Variants in RANBP3L observed in about 807,000 individuals in gnomAD.
RANBP3L encodes RAN binding protein 3 like, also known as ran-binding protein 3-like.
A neutral mutation model predicts 67.2 loss-of-function variants in RANBP3L; 56 were observed. The ratio of observed to expected loss-of-function variants is 0.83; its 90% confidence interval spans 0.67 to 1.04. The LOEUF is 1.04. Ranked by LOEUF, RANBP3L falls within the 50% of genes least tolerant of loss-of-function variation. The pLI, the probability that RANBP3L is intolerant of heterozygous loss-of-function variation, is 0.00. For synonymous variants in RANBP3L, 164 were observed against 181.4 expected, an observed-to-expected ratio of 0.90 and a Z score of 0.77; for missense variants, 496 against 535.5, an observed-to-expected ratio of 0.93 and a Z score of 0.73.
chr5:36,259,172 T>A (rs540335832), intron 8 of RANBP3L, among the ~76,000 whole-genome samples: 1 of 152,296 alleles, frequency 6.6e-6, no homozygotes, highest in South Asian at 2.1e-4. Flanking sequence ...TTGGTTCACA[T>A]CCAAAGGCAT....
rs759386893 is a variant in RANBP3L, at chr5:36,249,615, C to T, written c.*39G>A. The T allele has an allele frequency of 5.9e-6, 7 of 1,184,330 alleles. No homozygotes were observed. The Admixed American group carries it at 8.0e-5, about 14-fold the overall frequency. 73.4% of individuals were successfully genotyped at this position (1,184,330 alleles called of 1,614,324 possible). A position where few individuals can be genotyped will look rare whatever the true frequency, so the allele number is the denominator to read the frequency against. On this transcript the variant is annotated 3_prime_UTR_variant, in exon 14 of 14. Transcript: ENST00000296604. ...GGTTTAGTATTTTCAGTAGGGTGAC[C>T]CCTCTTTTTGTAGATGTCATGTTTA...
intron 8 of RANBP3L, among the ~76,000 whole-genome samples, chr5:36,258,163 C>T (rs1488775491): frequency 1.3e-5 from 2 of 152,080 alleles, no homozygotes; most frequent in African/African-American, 4.8e-5. Context: ...TCCTCCCAGA[C>T]GATTTTGCCA....
intron 1 of RANBP3L, among the ~76,000 whole-genome samples, chr5:36,274,913 TA>T (rs753885875): frequency 1.3e-5 from 2 of 152,046 alleles, no homozygotes; most frequent in East Asian, 1.9e-4. Flanking sequence ...ATTGAATAAT[TA>T]AAAGATTAAA....
At position 36,265,623 on chromosome 5, in the gene RANBP3L, C is replaced by T. The variant is rs889946773; in HGVS notation, c.269-103G>A. 9 of 636,762 alleles carry T rather than the reference C, an allele frequency of 1.4e-5. No homozygotes were observed. In the African/African-American group the frequency reaches 1.5e-4, roughly 11 times the overall value. The allele number at this position is 636,762 out of a possible 1,614,324, so 39.4% of individuals were successfully genotyped here. ...ATTCCGAACTCACCAGCAGATGTCGCAATTGGCACTAACAGAGTAGTAGGT... is the reference window on the plus strand; with the variant it reads ...ATTCCGAACTCACCAGCAGATGTCGTAATTGGCACTAACAGAGTAGTAGGT... On this transcript the variant is annotated intron_variant, in intron 4 of 13. Coordinates refer to ENST00000296604, the MANE Select transcript of RANBP3L (RefSeq NM_145000.5).
At chr5:36,255,615 C>A in intron 10 of RANBP3L, 25 bp from the exon 11 acceptor site, 2 of 1,565,598 alleles carry the variant, frequency 1.3e-6, no homozygotes, top group South Asian at 2.3e-5. Flanking sequence ...TTTAAAATGT[C>A]AAATATATAG....
Position 36,248,982 on chromosome 5 carries a change from C to T in RANBP3L, c.*672G>A, listed in dbSNP as rs1748428008. The T allele has an allele frequency of 6.6e-6, 1 of 152,114 alleles. No individual in the cohort carries two copies. The highest frequency in any genetic ancestry group is 1.5e-5 in the Non-Finnish European group (1 of 67,960). The allele number at this position is 152,114 out of a possible 1,614,324, so 9.4% of individuals were successfully genotyped here. ...AGTTAACATATTTGGCTTTCTTACA[C>T]ATGCTTTTTGATACATAGGTAATGT... On this transcript the variant is annotated 3_prime_UTR_variant, in exon 14 of 14. Coordinates refer to ENST00000296604, the MANE Select transcript of RANBP3L (RefSeq NM_145000.5).
intron 1 of RANBP3L, among the ~76,000 whole-genome samples, chr5:36,285,662 T>C (rs1751270268): frequency 6.6e-6 from 1 of 152,202 alleles, no homozygotes; most frequent in African/African-American, 2.4e-5. Context: ...AATTATACCA[T>C]CTAAAGTTGT....
At chr5:36,256,614 C>T (rs566141386) in intron 10 of RANBP3L, among the ~76,000 whole-genome samples, 21 of 151,948 alleles carry the variant, frequency 1.4e-4, no homozygotes, top group South Asian at 2.1e-4. Context: ...CATTGTTAAA[C>T]GTGTAAGTAG....
Position 36,253,049 on chromosome 5 carries a change from G to GT in RANBP3L, c.1167+597dup, listed in dbSNP as rs556662896. The stretch of plus-strand genomic sequence containing the variant: ...TTGTTTTTGCGTTTCATTTTGTTTT[G>GT]TTTTTTTAAGCTTTATTCTTGCCAG... On this transcript the variant is annotated intron_variant, in intron 12 of 13. Coordinates refer to ENST00000296604, the MANE Select transcript of RANBP3L (RefSeq NM_145000.5). 3.1e-3 allele frequency among the ~76,000 whole-genome samples: 477 copies of GT among 151,828 alleles called. 5 individuals are homozygous for GT. Among genetic ancestry groups the GT allele is most frequent in the African/African-American group, 0.011 (459 of 41,438 alleles).
intron 1 of RANBP3L, among the ~76,000 whole-genome samples, chr5:36,289,400 C>A (rs113916356): frequency 3.7e-4 from 56 of 152,002 alleles, no homozygotes; most frequent in African/African-American, 1.2e-3. Context: ...TTTCCTTATC[C>A]TTTTAAAATC....
At chr5:36,256,822 C>A (rs1749008661) in intron 10 of RANBP3L, 119 bp downstream of exon 10, 1 of 876,228 alleles carries the variant, frequency 1.1e-6, no homozygotes, top group South Asian at 2.2e-5. Context: ...TTTATTTAAG[C>A]AACTTAGTCT....
chr5:36,280,598 G>A (rs1313094027), intron 1 of RANBP3L, among the ~76,000 whole-genome samples: 2 of 152,156 alleles, frequency 1.3e-5, no homozygotes, highest in Admixed American at 6.6e-5. Flanking sequence ...GGTGACTGAA[G>A]AAACTGAATT....
At chr5:36,282,680 T>TTCCA (rs1751050661) in intron 1 of RANBP3L, among the ~76,000 whole-genome samples, 1 of 152,178 alleles carries the variant, frequency 6.6e-6, no homozygotes, top group Admixed American at 6.5e-5. Flanking sequence ...GTGGATGTTA[T>TTCCA]TCCACGGAGA....
intron 1 of RANBP3L, among the ~76,000 whole-genome samples, chr5:36,287,436 T>C (rs971510528): frequency 1.3e-5 from 2 of 152,212 alleles, no homozygotes; most frequent in African/African-American, 4.8e-5. Flanking sequence ...ACTAAGTATG[T>C]GTTAAATAAA....
rs1314748175 is a variant in RANBP3L at position 36,248,177 on chromosome 5, C to T, written c.*1477G>A. ...ATCTCTTTTTCCCCTTCTATCTTTT[C>T]TTCATCTCTCTCACATTTACTTTAT... On this transcript the variant is annotated 3_prime_UTR_variant, in exon 14 of 14. Coordinates refer to ENST00000296604, the MANE Select transcript of RANBP3L (RefSeq NM_145000.5). Among the ~76,000 whole-genome samples the T allele has an allele frequency of 6.6e-6, 1 of 151,898 alleles. No individual in the cohort carries two copies. The highest frequency in any genetic ancestry group is 1.5e-5 in the Non-Finnish European group (1 of 67,978).
chr5:36,289,735 A>G (rs1268139101), intron 1 of RANBP3L, among the ~76,000 whole-genome samples: 1 of 152,026 alleles, frequency 6.6e-6, no homozygotes, highest in Non-Finnish European at 1.5e-5. Flanking sequence ...TTGTAGCCTG[A>G]TACCTTAGTA....
chr5:36,251,369 C>T lies in RANBP3L; in HGVS notation c.1298G>A (p.Cys433Tyr). 6.2e-7 allele frequency: 1 copy of T among 1,613,378 alleles called. No homozygotes were observed. Reference protein sequence around the residue: ...SLSETAQQLNCESCDENEDDF... With the variant: ...SLSETAQQLNYESCDENEDDF... ...ATCCTCATTCTCATCACAGCTTTCGCAGTTCAATTGTTGGGCTGTTTCTGA... is the reference window on the plus strand; with the variant it reads ...ATCCTCATTCTCATCACAGCTTTCGTAGTTCAATTGTTGGGCTGTTTCTGA... The change falls in exon 13 of 14, where the codon TGC (cysteine) becomes TAC (tyrosine). Residue 433 changes from cysteine (C) to tyrosine (Y), a missense_variant. Physicochemically the swap from Cys to Tyr is radical, Grantham distance 194 (BLOSUM62 -2). Coordinates refer to ENST00000296604, the MANE Select transcript of RANBP3L (RefSeq NM_145000.5).
chr5:36,270,944 G>A (rs1750163840), intron 2 of RANBP3L, among the ~76,000 whole-genome samples: 1 of 152,180 alleles, frequency 6.6e-6, no homozygotes, highest in Admixed American at 6.5e-5. Flanking sequence ...CAGTGGTGAG[G>A]ACTCATATGA....
At chr5:36,276,693 T>C (rs1750596052) in intron 1 of RANBP3L, among the ~76,000 whole-genome samples, 1 of 152,172 alleles carries the variant, frequency 6.6e-6, no homozygotes, top group African/African-American at 2.4e-5. Flanking sequence ...ACCTGGTCTC[T>C]GACAAATAAA....
Sources: gnomAD v4.1 joint callset for allele counts (sites outside exome capture counted in the v4.1 genomes callset) on GRCh38, gnomAD v4.1.1 for gene constraint, MANE v1.5 for transcripts, NCBI Gene and HGNC (gene_info 2026-07-23, HGNC 2026-07-21) for gene names.